COMMD5: variants seen among roughly 807,000 people sequenced by gnomAD.
The protein encoded by COMMD5 is COMM domain-containing protein 5.
Under a neutral mutation model 6.9 loss-of-function variants are expected in COMMD5, and 10 were observed. The observed-to-expected ratio is 1.44, with a 90% confidence interval of 0.89 to 2.45. The LOEUF is 2.45. COMMD5 is among the 30% of genes most tolerant of loss of function. The pLI is 0.00. For synonymous variants in COMMD5, 127 were observed against 125.3 expected, an observed-to-expected ratio of 1.01 and a Z score of -0.09; for missense variants, 234 against 287.8, an observed-to-expected ratio of 0.81 and a Z score of 1.35.
chr8:144,847,957 C>T (rs1391912978), downstream of COMMD5, among the ~76,000 whole-genome samples: 1 of 152,178 alleles, frequency 6.6e-6, no homozygotes. Context: ...GTGCTCTGTA[C>T]TGGAGGGGTC....
downstream of COMMD5, chr8:144,850,165 C>G (rs1209884): frequency 0.029 from 4,526 of 156,896 alleles, 103 homozygotes; most frequent in Admixed American, 0.075. The surrounding 1 kb of genome is among the most constrained non-coding windows in gnomAD (Gnocchi z 4.0). Flanking sequence ...ACGCCATCCT[C>G]TGATGAGCTA....
downstream of COMMD5, among the ~76,000 whole-genome samples, chr8:144,840,619 G>T (rs941753066): frequency 7.9e-5 from 12 of 152,218 alleles, no homozygotes; most frequent in Middle Eastern, 3.2e-3. Flanking sequence ...ACAGAAGCCT[G>T]TGCTTACTTG....
chr8:144,842,931 G>A, intron 1 of COMMD5: 1 of 1,614,164 alleles, frequency 6.2e-7, no homozygotes, highest in Non-Finnish European at 8.5e-7. Flanking sequence ...GGGCCCAGTG[G>A]TTTTACGAAT....
At chr8:144,845,890 T>G, downstream of COMMD5, 3 of 1,339,484 alleles carry the variant, frequency 2.2e-6, no homozygotes, top group Middle Eastern at 2.3e-4. Flanking sequence ...ACGTGGCTGC[T>G]GAGAAGGGTC....
downstream of COMMD5, among the ~76,000 whole-genome samples, chr8:144,839,063 T>G (rs1380254107): frequency 1.1e-5 from 1 of 88,492 alleles, no homozygotes; most frequent in Non-Finnish European, 2.2e-5. Context: ...TCCATTCATA[T>G]GCGCCTAGGG....
chr8:144,842,557 C>G (rs765141390), intron 1 of COMMD5: 3 of 1,614,136 alleles, frequency 1.9e-6, no homozygotes, highest in Non-Finnish European at 2.5e-6. Flanking sequence ...GGGCTCACAC[C>G]TTATTCAGCA....
At chr8:144,852,167 A>AG (rs1243614878) in intron 1 of COMMD5, among the ~76,000 whole-genome samples, 1 of 63,796 alleles carries the variant, frequency 1.6e-5, no homozygotes. Flanking sequence ...GAATGGAGGG[A>AG]GGGGGGAGGG....
At chr8:144,838,294 C>T (rs568673197), downstream of COMMD5, 22 of 585,886 alleles carry the variant, frequency 3.8e-5, no homozygotes, top group Admixed American at 5.1e-4. Flanking sequence ...AATTAATCTG[C>T]AACGACTGTG....
chr8:144,851,490 AGT>A, intron 1 of COMMD5, 95 bp from the exon 2 acceptor site: 1 of 828,744 alleles, frequency 1.2e-6, no homozygotes, highest in Non-Finnish European at 1.9e-6. Flanking sequence ...GCATGCTGAC[AGT>A]GTGAACTACC....
At chr8:144,840,565 A>C (rs1829756603), downstream of COMMD5, among the ~76,000 whole-genome samples, 1 of 152,100 alleles carries the variant, frequency 6.6e-6, no homozygotes, top group Admixed American at 6.6e-5. Context: ...CATCAAGGAG[A>C]TGTCTGACCT....
chr8:144,853,008 C>G lies in COMMD5; in HGVS notation c.-227G>C, dbSNP rs1277571404. On this transcript the variant is annotated 5_prime_UTR_variant, in exon 1 of 2. Transcript: ENST00000305103. ...CCCCCAGCACCTGGCGCCGGCAATC[C>G]CCGGCTGATGCAGCCAAAAGCGGGC... The G allele has an allele frequency of 6.6e-6, 1 of 152,490 alleles. No individual in the cohort carries two copies. Among genetic ancestry groups the G allele is most frequent in the African/African-American group, 2.4e-5 (1 of 41,472 alleles). 9.4% of individuals were successfully genotyped at this position (152,490 alleles called of 1,614,324 possible). A position where few individuals can be genotyped will look rare whatever the true frequency, so the allele number is the denominator to read the frequency against.
chr8:144,840,357 C>T (rs1325703825), downstream of COMMD5, among the ~76,000 whole-genome samples: 28 of 152,222 alleles, frequency 1.8e-4, no homozygotes, highest in Admixed American at 1.8e-3. Context: ...GACTCACCAC[C>T]AATGGTTAGG....
downstream of COMMD5, among the ~76,000 whole-genome samples, chr8:144,840,431 G>T (rs189113793): frequency 5.8e-4 from 88 of 152,262 alleles, 2 homozygotes; most frequent in South Asian, 0.012. Flanking sequence ...GGGTAGACTC[G>T]GGCTGGTTAT....
chr8:144,839,678 C>T (rs1829601252), downstream of COMMD5, among the ~76,000 whole-genome samples: 2 of 152,346 alleles, frequency 1.3e-5, no homozygotes, highest in Non-Finnish European at 2.9e-5. Flanking sequence ...AGGGATGTAG[C>T]CTCTTAGATA....
In COMMD5 at chr8:144,850,774, G is replaced by T; in HGVS notation, c.565C>A (p.Arg189Ser). 6.2e-7 allele frequency: 1 copy of T among 1,614,150 alleles called. No homozygotes were observed. Among genetic ancestry groups the T allele is most frequent in the Non-Finnish European group, 8.5e-7 (1 of 1,180,038 alleles). The change falls in exon 2 of 2, where the codon CGC becomes AGC. Residue 189 changes from arginine (R) to serine (S), a missense_variant. Coordinates refer to ENST00000305103, the MANE Select transcript of COMMD5 (RefSeq NM_014066.4). This position sits in a 1 kb window ranked among gnomAD's most constrained non-coding sequence, Gnocchi z 4.0. The part of the protein sequence containing the change: ...QLKLSDGSAY[R>S]FEVPTAKFQE... ...AACTTGGCTGTGGGGACCTCAAAGC[G>T]GTATGCTGACCCATCTGAAAGCTTC... is the stretch of plus-strand genomic sequence containing the variant.
chr8:144,841,872 TG>T (rs1337151887), intron 1 of COMMD5: 2 of 1,614,070 alleles, frequency 1.2e-6, no homozygotes, highest in Non-Finnish European at 1.7e-6. Flanking sequence ...GTGCAGAGTG[TG>T]GGAAAGTCTT....
downstream of COMMD5, chr8:144,846,354 G>A (rs1325714755): frequency 1.6e-6 from 1 of 628,332 alleles, no homozygotes; most frequent in Non-Finnish European, 2.7e-6. Flanking sequence ...TTTCTGAATG[G>A]TTGGGGAGAA....
intron 1 of COMMD5, chr8:144,842,369 C>T: frequency 1.2e-6 from 2 of 1,614,048 alleles, no homozygotes; most frequent in Non-Finnish European, 1.7e-6. Context: ...TGTGGGAAAG[C>T]TTTTAGGTGG....
At chr8:144,849,306 A>C (rs1242184021), downstream of COMMD5, among the ~76,000 whole-genome samples, 1 of 152,136 alleles carries the variant, frequency 6.6e-6, no homozygotes, top group East Asian at 1.9e-4. Flanking sequence ...GGGTGGGACA[A>C]AGCTGAGTGA....
Sources: gnomAD v4.1 joint callset for allele counts (sites outside exome capture counted in the v4.1 genomes callset) on GRCh38, gnomAD v4.1.1 for gene constraint, Gnocchi (gnomAD v3.1) non-coding constraint, MANE v1.5 for transcripts, NCBI Gene and HGNC (gene_info 2026-07-23, HGNC 2026-07-21) for gene names.